The following EML6 variants were observed in gnomAD, a reference collection of about 807,000 sequenced individuals.
The protein encoded by EML6 is EMAP like 6.
EML6 carries 154 observed loss-of-function variants against 240.1 expected under a neutral mutation model. That is an observed-to-expected ratio of 0.64 (90% CI 0.56 to 0.73). The LOEUF is 0.73. EML6 is among the 30% of genes least tolerant of loss of function. The pLI is 0.00. For missense variants in EML6, 2,964 were observed against 2,474.6 expected (o/e 1.20, Z -4.20); for synonymous variants, 1,148 against 899.0 (o/e 1.28, Z -4.95).
chr2:54,832,696 A>C (rs572508978), intron 7 of EML6, among the ~76,000 whole-genome samples: 1 of 151,928 alleles, frequency 6.6e-6, no homozygotes, highest in African/African-American at 2.4e-5. Context: ...AAAAGAGCAA[A>C]AGAAAGCAGA....
intron 2 of EML6, among the ~76,000 whole-genome samples, chr2:54,812,584 C>A (rs1406168065): frequency 6.6e-6 from 1 of 151,788 alleles, no homozygotes; most frequent in Non-Finnish European, 1.5e-5. Flanking sequence ...CCTTAAAATA[C>A]CAGTTGGTAT....
At chr2:54,823,767 C>G (rs1187028461) in intron 5 of EML6, among the ~76,000 whole-genome samples, 1 of 151,806 alleles carries the variant, frequency 6.6e-6, no homozygotes, top group Non-Finnish European at 1.5e-5. Flanking sequence ...GGGAATCTGA[C>G]TTTGATTTGT....
chr2:54,802,516 A>G (rs1172333678), intron 2 of EML6, among the ~76,000 whole-genome samples: 1 of 151,822 alleles, frequency 6.6e-6, no homozygotes, highest in Non-Finnish European at 1.5e-5. Flanking sequence ...GGTCCCAGCT[A>G]CTCGAGAGGC....
intron 10 of EML6, among the ~76,000 whole-genome samples, chr2:54,851,742 G>A (rs1452541935): frequency 6.6e-6 from 1 of 152,048 alleles, no homozygotes; most frequent in African/African-American, 2.4e-5. Context: ...GTTCATTAAT[G>A]TGTACCTAAA....
chr2:54,964,686 A>G lies in EML6; in HGVS notation c.5446A>G (p.Ser1816Gly). 1 of 1,552,228 alleles carries G rather than the reference A, an allele frequency of 6.4e-7. No homozygotes were observed. Among genetic ancestry groups the G allele is most frequent in the African/African-American group, 1.4e-5 (1 of 73,202 alleles). Residue 1816 changes from serine to glycine, a missense_variant, in exon 38 of 42, where the codon AGC becomes GGC. Coordinates refer to ENST00000356458, the MANE Select transcript of EML6 (RefSeq NM_001039753.4). The stretch of plus-strand genomic sequence containing the variant: ...CATTGGCTACTGCAAAGATATCCCA[A>G]GCTTTGTCATTCAGATGGATTTTTC... ...NRIGYCKDIP[S>G]FVIQMDFSAD...
chr2:54,823,878 T>TGTCTCTCTC (rs60937620), intron 5 of EML6, among the ~76,000 whole-genome samples: 1 of 129,124 alleles, frequency 7.7e-6, no homozygotes, highest in African/African-American at 3.4e-5. Flanking sequence ...CTCTCTCTCT[T>TGTCTCTCTC]TCTGTCTCTC....
chr2:54,872,684 A>G (rs1246936728), intron 16 of EML6, among the ~76,000 whole-genome samples: 2 of 152,150 alleles, frequency 1.3e-5, no homozygotes, highest in African/African-American at 2.4e-5. Context: ...CCACCAGCCC[A>G]TTAGTGCTCC....
intron 2 of EML6, among the ~76,000 whole-genome samples, chr2:54,771,341 G>A (rs762516033): frequency 2.7e-4 from 41 of 152,098 alleles, no homozygotes; most frequent in Non-Finnish European, 5.4e-4. Flanking sequence ...CACATGTCCC[G>A]TAACGCCACA....
At position 54,928,643 on chromosome 2, in the gene EML6, C is replaced by T. The variant is rs780682547; in HGVS notation, c.3896C>T (p.Ala1299Val). 2 of 1,552,016 alleles carry T rather than the reference C, an allele frequency of 1.3e-6. No individual in the cohort carries two copies. The highest frequency in any genetic ancestry group is 1.4e-5 in the African/African-American group (1 of 73,002). ...GTTTGAGGCTATGACAGCGATGTTG[C>T]TAGAGAAAAGGCCATTGACTACACC... Reference protein sequence around the residue: ...EEDGGYDSDVAREKAIDYTTK... With the variant: ...EEDGGYDSDVVREKAIDYTTK... Residue 1299 changes from alanine (A) to valine (V), a missense_variant, in exon 28 of 42, where the codon GCT becomes GTT. By Grantham distance (64) the Ala-to-Val change is moderately conservative. Coordinates refer to ENST00000356458, the MANE Select transcript of EML6 (RefSeq NM_001039753.4).
chr2:54,945,999 C>G (rs1675678451), intron 28 of EML6, among the ~76,000 whole-genome samples: 1 of 152,224 alleles, frequency 6.6e-6, no homozygotes, highest in Admixed American at 6.5e-5. Flanking sequence ...TTACTCAACA[C>G]CAAGCCCCAG....
chr2:54,904,936 A>G (rs1171961924), intron 24 of EML6, among the ~76,000 whole-genome samples: 1 of 152,222 alleles, frequency 6.6e-6, no homozygotes, highest in Non-Finnish European at 1.5e-5. Flanking sequence ...TACTTGCCAC[A>G]CTGGAATTTG....
intron 2 of EML6, among the ~76,000 whole-genome samples, chr2:54,749,906 C>T (rs1684082665): frequency 6.6e-6 from 1 of 152,196 alleles, no homozygotes; most frequent in Non-Finnish European, 1.5e-5. Context: ...TTAACATGAA[C>T]TCCCATCACG....
Position 54,964,734 on chromosome 2 carries a change from G to A in EML6, c.5493+1G>A. Reference sequence around the variant, plus strand: ...TTCTGCGGATGGCAAATACATTCAGGTATGCTTGGGGTTTACTTATATCTG... The same window carrying A: ...TTCTGCGGATGGCAAATACATTCAGATATGCTTGGGGTTTACTTATATCTG... On this transcript the variant is annotated splice_donor_variant, in intron 38 of 41. Transcript: ENST00000356458. LOFTEE classifies it high-confidence loss of function. 1 of 1,551,750 alleles carries A rather than the reference G, an allele frequency of 6.4e-7. No homozygotes were observed.
At chr2:54,886,613 T>C (rs1349430800) in intron 17 of EML6, among the ~76,000 whole-genome samples, 1 of 152,180 alleles carries the variant, frequency 6.6e-6, no homozygotes, top group African/African-American at 2.4e-5. Context: ...CCAACACTTG[T>C]TATTGTCTGT....
chr2:54,847,745 C>T, intron 9 of EML6, 122 bp downstream of exon 9: 3 of 985,010 alleles, frequency 3.0e-6, no homozygotes, highest in Non-Finnish European at 4.3e-6. Flanking sequence ...AATAGGAATA[C>T]TATAGATCTA....
intron 2 of EML6, among the ~76,000 whole-genome samples, chr2:54,796,706 A>G (rs900937663): frequency 1.3e-5 from 2 of 152,120 alleles, no homozygotes; most frequent in African/African-American, 4.8e-5. Flanking sequence ...GCATCCAGAA[A>G]AGGTTATGGG....
chr2:54,817,882 T>C (rs529974947), intron 4 of EML6, among the ~76,000 whole-genome samples: 1 of 151,792 alleles, frequency 6.6e-6, no homozygotes, highest in East Asian at 1.9e-4. Context: ...ATGTTGCAAA[T>C]TCTACTCCAG....
intron 2 of EML6, among the ~76,000 whole-genome samples, chr2:54,745,748 T>A (rs747408721): frequency 6.6e-6 from 1 of 151,994 alleles, no homozygotes; most frequent in Non-Finnish European, 1.5e-5. Flanking sequence ...TCCACCACAC[T>A]CCAGCCTGGG....
At chr2:54,739,402 G>C (rs1459773594) in intron 2 of EML6, among the ~76,000 whole-genome samples, 1 of 152,214 alleles carries the variant, frequency 6.6e-6, no homozygotes, top group African/African-American at 2.4e-5. Flanking sequence ...GGAAATCTTA[G>C]TGTGTTACAA....
Sources: gnomAD v4.1 joint callset for allele counts (sites outside exome capture counted in the v4.1 genomes callset) on GRCh38, gnomAD v4.1.1 for gene constraint, MANE v1.5 for transcripts, NCBI Gene and HGNC (gene_info 2026-07-23, HGNC 2026-07-21) for gene names.